The following RNF212B variants were observed in gnomAD, a reference collection of about 807,000 sequenced individuals.
RNF212B encodes the protein E3 ubiquitin-protein ligase RNF212B.
A neutral mutation model predicts 55.5 loss-of-function variants in RNF212B; 52 were observed. The observed-to-expected ratio is 0.94, with a 90% confidence interval of 0.75 to 1.18. The LOEUF (loss-of-function observed/expected upper bound fraction) is 1.18. Among genes scored for constraint, RNF212B ranks in the 50% most tolerant of loss-of-function variants. The pLI is 0.00. For missense variants in RNF212B, 289 were observed against 350.4 expected, an observed-to-expected ratio of 0.82 and a Z score of 1.40; for synonymous variants, 99 against 121.4, an observed-to-expected ratio of 0.82 and a Z score of 1.21.
At chr14:23,272,686 A>T (rs1447888859) in intron 14 of RNF212B, 137 bp from the exon 15 acceptor site, 3 of 672,512 alleles carry the variant, frequency 4.5e-6, no homozygotes, top group Non-Finnish European at 8.0e-6. Context: ...GTTAGTTATC[A>T]TGCAATGAAG....
upstream of RNF212B, among the ~76,000 whole-genome samples, chr14:23,236,288 G>A (rs1160825847): frequency 2.0e-5 from 3 of 152,176 alleles, no homozygotes; most frequent in African/African-American, 7.2e-5. Context: ...GACCAAGGCA[G>A]GTGGATCATG....
chr14:23,230,482 G>A (rs1346550126), intron 2 of RNF212B, among the ~76,000 whole-genome samples: 1 of 151,636 alleles, frequency 6.6e-6, no homozygotes, highest in Non-Finnish European at 1.5e-5. Flanking sequence ...GTGAAACCCC[G>A]TCTCTACTAA....
At chr14:23,200,215 G>A (rs114249093) in intron 2 of RNF212B, among the ~76,000 whole-genome samples, 1,631 of 152,104 alleles carry the variant, frequency 0.011, 37 homozygotes, top group African/African-American at 0.037. Context: ...CTTTTAAATG[G>A]GCTTTGATGA....
intron 2 of RNF212B, among the ~76,000 whole-genome samples, chr14:23,217,645 T>A (rs1483698676): frequency 6.6e-6 from 1 of 152,086 alleles, no homozygotes; most frequent in Admixed American, 6.5e-5. Flanking sequence ...ATCCATAGAA[T>A]TCTTCCAGAT....
chr14:23,205,193 T>G (rs1439624898), intron 2 of RNF212B, among the ~76,000 whole-genome samples: 1 of 152,126 alleles, frequency 6.6e-6, no homozygotes, highest in Non-Finnish European at 1.5e-5. Context: ...CTCTTTATTT[T>G]TATAACTTTC....
intron 2 of RNF212B, among the ~76,000 whole-genome samples, chr14:23,196,317 C>A (rs552920392): frequency 1.3e-5 from 2 of 152,292 alleles, no homozygotes; most frequent in South Asian, 4.1e-4. Context: ...CATTATCATG[C>A]CAAAATGCAT....
intron 2 of RNF212B, among the ~76,000 whole-genome samples, chr14:23,242,843 G>A (rs911477090): frequency 6.6e-6 from 1 of 151,964 alleles, no homozygotes; most frequent in Non-Finnish European, 1.5e-5. Flanking sequence ...AGTTGAGGTG[G>A]TGGTGTGCGC....
intron 2 of RNF212B, among the ~76,000 whole-genome samples, chr14:23,220,602 G>C (rs1158046101): frequency 6.6e-6 from 1 of 151,808 alleles, no homozygotes; most frequent in Non-Finnish European, 1.5e-5. Context: ...GAGGCAGGTG[G>C]ATCACGAGGT....
chr14:23,210,713 G>C (rs183445783), intron 2 of RNF212B, among the ~76,000 whole-genome samples: 2 of 138,746 alleles, frequency 1.4e-5, no homozygotes, highest in East Asian at 2.2e-4. Flanking sequence ...GGAGGTGGAG[G>C]TTGCAGTGAG....
chr14:23,198,123 G>T (rs906940090), intron 2 of RNF212B, among the ~76,000 whole-genome samples: 8 of 152,152 alleles, frequency 5.3e-5, no homozygotes, highest in Non-Finnish European at 1.2e-4. Flanking sequence ...AGTCACAGGG[G>T]ATGCGATGGC....
At chr14:23,258,325 C>T (rs1412077644) in intron 4 of RNF212B, among the ~76,000 whole-genome samples, 13 of 120,298 alleles carry the variant, frequency 1.1e-4, no homozygotes, top group Non-Finnish European at 1.3e-4. Context: ...GCAACAATAG[C>T]GAAACTCTGT....
At chr14:23,216,187 A>T (rs1446796250) in intron 2 of RNF212B, among the ~76,000 whole-genome samples, 2 of 152,326 alleles carry the variant, frequency 1.3e-5, no homozygotes, top group Admixed American at 1.3e-4. Context: ...CGGAGCTTGC[A>T]GTGAGTCAAG....
intron 2 of RNF212B, among the ~76,000 whole-genome samples, chr14:23,220,451 G>A (rs1881463457): frequency 6.6e-6 from 1 of 151,948 alleles, no homozygotes; most frequent in African/African-American, 2.4e-5. Context: ...AGAATTATTG[G>A]AACCCAGGAG....
chr14:23,265,524 CA>C (rs1885627422), intron 11 of RNF212B, among the ~76,000 whole-genome samples: 1 of 152,134 alleles, frequency 6.6e-6, no homozygotes, highest in Admixed American at 6.5e-5. Flanking sequence ...TTGAAATTCC[CA>C]AATCTCTTTT....
chr14:23,248,938 C>T (rs775991732), intron 4 of RNF212B, among the ~76,000 whole-genome samples: 51 of 152,168 alleles, frequency 3.4e-4, no homozygotes, highest in Non-Finnish European at 6.0e-4. Flanking sequence ...ATACAATTTC[C>T]GATGCTGCTA....
chr14:23,189,185 T>G (rs1055842687), intron 1 of RNF212B, among the ~76,000 whole-genome samples: 4 of 152,162 alleles, frequency 2.6e-5, no homozygotes, highest in African/African-American at 7.2e-5. Flanking sequence ...ACCCCAAATC[T>G]TCGCTTCTAG....
chr14:23,208,899 C>T (rs1450867876), intron 2 of RNF212B, among the ~76,000 whole-genome samples: 1 of 150,716 alleles, frequency 6.6e-6, no homozygotes, highest in Non-Finnish European at 1.5e-5. Context: ...GTTGGGACTA[C>T]AGGTGCCCGC....
At chr14:23,220,944 G>C (rs867457918) in intron 2 of RNF212B, among the ~76,000 whole-genome samples, 1 of 151,874 alleles carries the variant, frequency 6.6e-6, no homozygotes, top group Admixed American at 6.6e-5. Flanking sequence ...AAAAGGAAGA[G>C]AAGACTGTAA....
At chr14:23,268,798 G>A in intron 11 of RNF212B, 126 bp from the exon 12 acceptor site, 2 of 708,024 alleles carry the variant, frequency 2.8e-6, no homozygotes, top group Non-Finnish European at 4.8e-6. Context: ...CTTGGCATTA[G>A]CCCCCAACCC....
Sources: gnomAD v4.1 joint callset for allele counts (sites outside exome capture counted in the v4.1 genomes callset) on GRCh38, gnomAD v4.1.1 for gene constraint, MANE v1.5 for transcripts, NCBI Gene and HGNC (gene_info 2026-07-23, HGNC 2026-07-21) for gene names.